The following FRMD6 variants were observed in gnomAD, a reference collection of about 807,000 sequenced individuals.
FRMD6 encodes the protein FERM domain containing 6, also known as FERM domain-containing protein 6.
In FRMD6, 37 loss-of-function variants were observed where a neutral mutation model predicts 73.2. The observed-to-expected ratio is 0.51, with a 90% CI of 0.39 to 0.66. The LOEUF is 0.66. Ranked by LOEUF, FRMD6 falls within the 30% of genes least tolerant of loss-of-function variation. The probability of loss-of-function intolerance (pLI) is 0.00; values close to 1 mark genes in which losing one functional copy is unlikely to be tolerated. For synonymous variants in FRMD6, 273 were observed against 282.2 expected (o/e 0.97, Z 0.33); for missense variants, 714 against 780.5 (o/e 0.91, Z 1.02).
chr14:51,542,119 G>A (rs1328173708), intron 1 of FRMD6, among the ~76,000 whole-genome samples: 1 of 151,938 alleles, frequency 6.6e-6, no homozygotes, highest in East Asian at 1.9e-4. Context: ...AACTTTGAAA[G>A]TTTCATTTAT....
chr14:51,492,535 A>G (rs141852982), intron 1 of FRMD6, among the ~76,000 whole-genome samples: 7 of 152,214 alleles, frequency 4.6e-5, no homozygotes, highest in African/African-American at 1.7e-4. Flanking sequence ...CTTAGAAACT[A>G]TTTTTATTGT....
intron 10 of FRMD6, among the ~76,000 whole-genome samples, chr14:51,715,730 A>G (rs960884597): frequency 3.9e-5 from 6 of 152,212 alleles, no homozygotes; most frequent in African/African-American, 9.6e-5. Context: ...GCATTTAGCT[A>G]TCTCTCAAGT....
At chr14:51,569,799 G>A (rs966026191) in intron 1 of FRMD6, among the ~76,000 whole-genome samples, 3 of 148,658 alleles carry the variant, frequency 2.0e-5, no homozygotes, top group Non-Finnish European at 4.5e-5. Context: ...ATCATGCCCG[G>A]CCAGAATTTT....
At chr14:51,575,287 T>G (rs935713045) in intron 2 of FRMD6, among the ~76,000 whole-genome samples, 3 of 152,214 alleles carry the variant, frequency 2.0e-5, no homozygotes, top group African/African-American at 7.2e-5. Flanking sequence ...AGAAAGGAAT[T>G]AAGGCAGATA....
At chr14:51,565,891 A>G (rs1479317360) in intron 1 of FRMD6, among the ~76,000 whole-genome samples, 4 of 152,178 alleles carry the variant, frequency 2.6e-5, no homozygotes, top group African/African-American at 4.8e-5. Flanking sequence ...GTGGCCGGGC[A>G]CGGTGGCTCA....
chr14:51,642,681 T>A (rs1891866050), intron 2 of FRMD6, among the ~76,000 whole-genome samples: 1 of 152,226 alleles, frequency 6.6e-6, no homozygotes, highest in Non-Finnish European at 1.5e-5. Flanking sequence ...AGATGTAGTA[T>A]GAAATATACA....
the FRMD6 span, among the ~76,000 whole-genome samples, chr14:51,417,413 C>A: frequency 6.6e-6 from 1 of 152,180 alleles, no homozygotes; most frequent in African/African-American, 2.4e-5. Flanking sequence ...ACTTATGAAG[C>A]TTAGTTTGGC....
intron 1 of FRMD6, among the ~76,000 whole-genome samples, chr14:51,561,840 G>C (rs1299068372): frequency 6.6e-6 from 1 of 152,066 alleles, no homozygotes; most frequent in East Asian, 1.9e-4. Flanking sequence ...AGAAGAAAAA[G>C]GGGAGAAATC....
chr14:51,467,162 G>T, the FRMD6 span, among the ~76,000 whole-genome samples: 1 of 152,070 alleles, frequency 6.6e-6, no homozygotes, highest in African/African-American at 2.4e-5. Flanking sequence ...AGGGAGTGGC[G>T]ATGACTCTTA....
intron 1 of FRMD6, among the ~76,000 whole-genome samples, chr14:51,559,787 C>A (rs1887376053): frequency 6.6e-6 from 1 of 152,118 alleles, no homozygotes; most frequent in African/African-American, 2.4e-5. Context: ...CTGCAATATG[C>A]CTATCCCCTT....
chr14:51,704,960 A>G, intron 6 of FRMD6, 25 bp downstream of exon 6: 3 of 1,583,642 alleles, frequency 1.9e-6, no homozygotes, highest in Non-Finnish European at 2.6e-6. Context: ...CAAATTCGAA[A>G]GAGTGTTTTC....
chr14:51,567,073 G>A (rs1456573443), intron 1 of FRMD6, among the ~76,000 whole-genome samples: 5 of 152,210 alleles, frequency 3.3e-5, no homozygotes, highest in Non-Finnish European at 2.9e-5. Flanking sequence ...GGAAGGAGTA[G>A]TTAGTGCCCC....
At chr14:51,522,223 T>C (rs1030568608) in intron 1 of FRMD6, among the ~76,000 whole-genome samples, 7 of 152,200 alleles carry the variant, frequency 4.6e-5, no homozygotes, top group Non-Finnish European at 1.0e-4. Flanking sequence ...TGAATTCTTA[T>C]GTAAAATGTC....
intron 1 of FRMD6, among the ~76,000 whole-genome samples, chr14:51,672,478 A>C (rs1894079629): frequency 6.6e-6 from 1 of 152,158 alleles, no homozygotes; most frequent in Non-Finnish European, 1.5e-5. Flanking sequence ...AAAAATCTTC[A>C]AAGGGCACCC....
At chr14:51,476,243 C>T in the FRMD6 span, among the ~76,000 whole-genome samples, 12,333 of 152,180 alleles carry the variant, frequency 0.081, 777 homozygotes, top group Admixed American at 0.19. Flanking sequence ...TAAAAAGGAC[C>T]GTAACAGGGA....
chr14:51,447,686 G>C, the FRMD6 span, among the ~76,000 whole-genome samples: 3 of 152,180 alleles, frequency 2.0e-5, no homozygotes, highest in Non-Finnish European at 4.4e-5. Flanking sequence ...ATTTGAGGTA[G>C]AGCCTTTTCC....
At chr14:51,673,703 A>T (rs1031562805) in intron 1 of FRMD6, among the ~76,000 whole-genome samples, 1 of 152,188 alleles carries the variant, frequency 6.6e-6, no homozygotes, top group Non-Finnish European at 1.5e-5. Context: ...GAAGAAACGC[A>T]TTGAAAAATG....
rs376784105 is a variant in FRMD6, at chr14:51,722,070, T to C, written c.1482T>C (p.Asn494=). Residue 494 remains asparagine, a synonymous_variant, in exon 12 of 14, where the codon AAT becomes AAC. Transcript: ENST00000344768. ...TEDMLMSRKL[N]GHSGLIVKEI... Reference sequence around the variant, plus strand: ...ACATGCTCATGTCGCGGAAGCTGAATGGACACTCTGGTGAGCTCTTACGGG... The same window carrying C: ...ACATGCTCATGTCGCGGAAGCTGAACGGACACTCTGGTGAGCTCTTACGGG... 24 of 1,614,104 alleles carry C rather than the reference T, an allele frequency of 1.5e-5. No individual in the cohort carries two copies. The highest frequency in any genetic ancestry group is 1.6e-4 in the Middle Eastern group (1 of 6,062).
At chr14:51,701,409 A>G (rs1896303318) in intron 4 of FRMD6, among the ~76,000 whole-genome samples, 1 of 146,480 alleles carries the variant, frequency 6.8e-6, no homozygotes, top group African/African-American at 2.5e-5. Flanking sequence ...TAGTATATAT[A>G]TATAGTAATA....
Sources: gnomAD v4.1 joint callset for allele counts (sites outside exome capture counted in the v4.1 genomes callset) on GRCh38, gnomAD v4.1.1 for gene constraint, MANE v1.5 for transcripts, NCBI Gene and HGNC (gene_info 2026-07-23, HGNC 2026-07-21) for gene names.